IRAG2: variants seen among roughly 807,000 people sequenced by gnomAD.
IRAG2 encodes inositol 1,4,5-triphosphate receptor associated 2.
Under a neutral mutation model 69.9 loss-of-function variants are expected in IRAG2, and 45 were observed. That is an observed-to-expected ratio of 0.64 (90% CI 0.51 to 0.83). The LOEUF (loss-of-function observed/expected upper bound fraction) is 0.83. IRAG2 is among the 40% of genes least tolerant of loss of function. IRAG2 has a pLI of 0.00. For synonymous variants in IRAG2, 193 were observed against 202.4 expected, an observed-to-expected ratio of 0.95 and a Z score of 0.40; for missense variants, 520 against 587.0, an observed-to-expected ratio of 0.89 and a Z score of 1.18.
exon 1 of IRAG2, chr12:25,004,416 C>T (rs1320548087): frequency 3.2e-6 from 4 of 1,232,004 alleles, no homozygotes; most frequent in Admixed American, 4.2e-5. Flanking sequence ...TCAGAGCCAT[C>T]CACAAGAGAG....
upstream of IRAG2, among the ~76,000 whole-genome samples, chr12:25,048,365 C>A (rs890836833): frequency 6.6e-6 from 1 of 152,036 alleles, no homozygotes; most frequent in Non-Finnish European, 1.5e-5. Context: ...GTCTCGATCT[C>A]GGCTCACTGC....
chr12:25,085,392 C>T (rs950127199), intron 10 of IRAG2, among the ~76,000 whole-genome samples: 3 of 152,192 alleles, frequency 2.0e-5, no homozygotes, highest in Non-Finnish European at 4.4e-5. Flanking sequence ...TGCCCAGAGG[C>T]CATACTCTTC....
intron 1 of IRAG2, 76 bp from the exon 2 acceptor site, chr12:25,061,516 T>G: frequency 2.5e-6 from 1 of 397,812 alleles, no homozygotes; most frequent in Non-Finnish European, 4.4e-6. Context: ...TAGAACCAAA[T>G]CCTGTCTTGA....
chr12:25,096,100 A>G lies in IRAG2; in HGVS notation c.607-810A>G, dbSNP rs573093020. On this transcript the variant is annotated intron_variant, in intron 14 of 21. Transcript: ENST00000556887. ...CTATCATATGACAGTATTTCTGGAG[A>G]GGATACGTGATTGTCCCCACTGGAC... Among the ~76,000 whole-genome samples, 44 of 151,110 alleles carry G rather than the reference A, an allele frequency of 2.9e-4. No individual in the cohort carries two copies. In the South Asian group the frequency reaches 4.5e-3, roughly 15 times the overall value.
chr12:25,019,383 C>T (rs532701654), intron 6 of IRAG2, among the ~76,000 whole-genome samples: 5 of 152,068 alleles, frequency 3.3e-5, no homozygotes, highest in Middle Eastern at 3.4e-3. Context: ...GAGATTGTAT[C>T]GAGTGGTGGA....
chr12:25,031,659 T>A (rs1408767316), intron 10 of IRAG2, among the ~76,000 whole-genome samples: 1 of 151,940 alleles, frequency 6.6e-6, no homozygotes, highest in African/African-American at 2.4e-5. Flanking sequence ...TGTGTGTGTG[T>A]GTTTGTTTTT....
chr12:25,061,314 C>CAGG (rs1448898277), intron 1 of IRAG2, among the ~76,000 whole-genome samples: 2 of 152,154 alleles, frequency 1.3e-5, no homozygotes, highest in African/African-American at 4.8e-5. Flanking sequence ...CACCTGAACT[C>CAGG]AGGAGTTTGA....
upstream of IRAG2, among the ~76,000 whole-genome samples, chr12:25,001,378 G>A (rs1196464836): frequency 4.6e-5 from 7 of 152,058 alleles, no homozygotes; most frequent in Non-Finnish European, 1.0e-4. Flanking sequence ...CTGGGGAGTT[G>A]GAGGTTGCAA....
In IRAG2 at chr12:25,018,633, T is replaced by C. The variant is rs115014420; in HGVS notation, c.1214+1341T>C. On this transcript the variant is annotated intron_variant, in intron 6 of 38. Transcript: ENST00000636465. ...CATTTCACAATTGGCTTATTTATTATTTAACTGAAATATAAAAATTCAAAG... is the reference window on the plus strand; with the variant it reads ...CATTTCACAATTGGCTTATTTATTACTTAACTGAAATATAAAAATTCAAAG... Among the ~76,000 whole-genome samples the C allele has an allele frequency of 7.0e-4, 107 of 152,382 alleles. 1 individual carries two copies. Among genetic ancestry groups the C allele is most frequent in the African/African-American group, 2.5e-3 (105 of 41,596 alleles).
intron 3 of IRAG2, among the ~76,000 whole-genome samples, chr12:25,012,785 G>A (rs1034694898): frequency 3.2e-4 from 48 of 152,246 alleles, no homozygotes; most frequent in African/African-American, 1.2e-3. Flanking sequence ...CCGAGATCGT[G>A]CCATAGCACT....
chr12:25,101,022 G>T, intron 15 of IRAG2, 156 bp from the exon 16 acceptor site: 2 of 519,378 alleles, frequency 3.9e-6, no homozygotes, highest in Non-Finnish European at 6.6e-6. Flanking sequence ...ATTCTCTTCT[G>T]TTTGCCCCTG....
chr12:25,014,241 A>T (rs1394020666), intron 3 of IRAG2, among the ~76,000 whole-genome samples: 2 of 152,034 alleles, frequency 1.3e-5, no homozygotes, highest in African/African-American at 2.4e-5. Flanking sequence ...AAATATTAAT[A>T]ATTATAAAAC....
intron 14 of IRAG2, among the ~76,000 whole-genome samples, chr12:25,091,657 T>TATTTTTA (rs1196149168): frequency 6.6e-6 from 1 of 152,132 alleles, no homozygotes; most frequent in Non-Finnish European, 1.5e-5. Flanking sequence ...ATAGTAATTA[T>TATTTTTA]ATTTTTAATT....
intron 6 of IRAG2, among the ~76,000 whole-genome samples, chr12:25,072,599 A>G (rs1332393693): frequency 6.6e-6 from 1 of 152,240 alleles, no homozygotes; most frequent in Admixed American, 6.5e-5. Context: ...AAAATATAAG[A>G]TATAAATTAT....
At chr12:25,031,942 G>A (rs778301186) in intron 10 of IRAG2, among the ~76,000 whole-genome samples, 13 of 152,154 alleles carry the variant, frequency 8.5e-5, no homozygotes, top group African/African-American at 1.9e-4. Flanking sequence ...GATTACAGTC[G>A]TGAGCCACCA....
chr12:25,041,033 G>A (rs536230170), intron 16 of IRAG2, among the ~76,000 whole-genome samples: 7 of 152,326 alleles, frequency 4.6e-5, no homozygotes, highest in African/African-American at 1.7e-4. Flanking sequence ...CCTGCCTGAG[G>A]AGTGATGAAT....
At chr12:25,101,881 G>T (rs879346788) in intron 16 of IRAG2, 32 of 560,784 alleles carry the variant, frequency 5.7e-5, no homozygotes, top group Non-Finnish European at 8.8e-5. Context: ...CCCTGTTCTA[G>T]AACAGTAACC....
intron 12 of IRAG2, chr12:25,033,662 A>G: frequency 2.6e-6 from 1 of 380,714 alleles, no homozygotes; most frequent in Non-Finnish European, 4.6e-6. Flanking sequence ...TCCTAGACTC[A>G]CCAGTCTGTG....
chr12:25,028,073 C>T (rs1438417078), intron 9 of IRAG2, among the ~76,000 whole-genome samples: 4 of 152,046 alleles, frequency 2.6e-5, no homozygotes, highest in South Asian at 4.1e-4. Context: ...TACAGGCGTG[C>T]GCCACCATGC....
Sources: allele counts gnomAD v4.1 joint callset (sites outside exome capture counted in the v4.1 genomes callset), GRCh38; gene constraint gnomAD v4.1.1; transcripts MANE v1.5; gene names NCBI Gene and HGNC (gene_info 2026-07-23, HGNC 2026-07-21).